Variants in ADGRD1 observed in about 807,000 individuals in gnomAD.
ADGRD1 encodes G-protein coupled receptor 133.
A neutral mutation model predicts 113.4 loss-of-function variants in ADGRD1; 77 were observed. The observed-to-expected ratio is 0.68, with a 90% CI of 0.57 to 0.82. The LOEUF is 0.82. ADGRD1 is among the 40% of genes least tolerant of loss of function. ADGRD1 has a pLI of 0.00. For synonymous variants in ADGRD1, 474 were observed against 475.0 expected (o/e 1.00, Z 0.03); for missense variants, 1,036 against 1,139.1 (o/e 0.91, Z 1.30).
rs763473611 is a variant in ADGRD1 at position 130,992,226 on chromosome 12, A to G, written c.811-11A>G. On this transcript the variant is annotated splice_polypyrimidine_tract_variant and intron_variant, in intron 7 of 24. Transcript: ENST00000261654. Reference sequence around the variant, plus strand: ...TTCTTAGTAGAAACTCATGTTGCCAATTTCTTTCAGATGCCCACAGATGCC... The same window carrying G: ...TTCTTAGTAGAAACTCATGTTGCCAGTTTCTTTCAGATGCCCACAGATGCC... The G allele has an allele frequency of 6.2e-6, 10 of 1,604,490 alleles. No individual in the cohort carries two copies. Among genetic ancestry groups the G allele is most frequent in the African/African-American group, 4.0e-5 (3 of 74,352 alleles).
chr12:131,131,470 C>T (rs937356208), intron 20 of ADGRD1, among the ~76,000 whole-genome samples: 6 of 152,322 alleles, frequency 3.9e-5, no homozygotes, highest in African/African-American at 7.2e-5. Flanking sequence ...CCCTCATGCC[C>T]GGATGTGTTC....
chr12:130,956,023 G>A (rs575690814), intron 2 of ADGRD1, among the ~76,000 whole-genome samples: 6 of 152,168 alleles, frequency 3.9e-5, no homozygotes, highest in African/African-American at 7.2e-5. Context: ...TCCTGACCTC[G>A]GGTGATCCAA....
chr12:131,023,677 C>G (rs140274214), intron 13 of ADGRD1: 1 of 152,190 alleles, frequency 6.6e-6, no homozygotes, highest in Non-Finnish European at 1.5e-5. Context: ...ACTGAACCAT[C>G]GCCGGCTTAT....
chr12:130,996,497 C>T (rs1875384927), intron 8 of ADGRD1, among the ~76,000 whole-genome samples: 2 of 119,056 alleles, frequency 1.7e-5, no homozygotes, highest in Non-Finnish European at 3.7e-5. Context: ...AGGCGCCCCT[C>T]ACCTCCTGGA....
At chr12:131,095,544 G>T (rs1053527286) in intron 15 of ADGRD1, among the ~76,000 whole-genome samples, 1 of 152,202 alleles carries the variant, frequency 6.6e-6, no homozygotes, top group Non-Finnish European at 1.5e-5. Context: ...CAGAATTGGG[G>T]TCTTACTCTG....
chr12:131,138,702 C>T (rs7978844), intron 24 of ADGRD1, among the ~76,000 whole-genome samples: 51,764 of 152,016 alleles, frequency 0.34, 9,176 homozygotes, highest in Middle Eastern at 0.49. Context: ...GCACTCCGCC[C>T]CCGCCCGCAG....
chr12:130,965,242 C>A lies in ADGRD1; in HGVS notation c.104-1221C>A, dbSNP rs529185684. On this transcript the variant is annotated intron_variant, in intron 2 of 24. Coordinates refer to ENST00000261654, the MANE Select transcript of ADGRD1 (RefSeq NM_198827.5). This position sits in a 1 kb window ranked among gnomAD's most constrained non-coding sequence, Gnocchi z 4.8. ...CATTTGTATATTAAATTTGTACAAG[C>A]CTCCTTGCTAAATTCTTTTGTTGTT... Among the ~76,000 whole-genome samples the A allele has an allele frequency of 6.6e-6, 1 of 152,198 alleles. No homozygotes were observed. The highest frequency in any genetic ancestry group is 2.1e-4 in the South Asian group (1 of 4,818).
intron 12 of ADGRD1, among the ~76,000 whole-genome samples, chr12:131,006,953 G>A (rs915648779): frequency 6.6e-6 from 1 of 152,214 alleles, no homozygotes; most frequent in Non-Finnish European, 1.5e-5. Flanking sequence ...GTTATTTGGG[G>A]AGATCTTTCC....
At chr12:131,007,507 C>T (rs1231394413) in intron 12 of ADGRD1, among the ~76,000 whole-genome samples, 1 of 152,240 alleles carries the variant, frequency 6.6e-6, no homozygotes, top group Non-Finnish European at 1.5e-5. Flanking sequence ...AGATGGAAGA[C>T]AGTCTGTCTC....
At chr12:131,034,346 T>A (rs1881150389) in intron 13 of ADGRD1, among the ~76,000 whole-genome samples, 1 of 152,226 alleles carries the variant, frequency 6.6e-6, no homozygotes, top group African/African-American at 2.4e-5. Context: ...CCCGCATGGT[T>A]GACACCTTCC....
chr12:131,101,497 C>T (rs1950086863), intron 15 of ADGRD1, among the ~76,000 whole-genome samples: 1 of 144,710 alleles, frequency 6.9e-6, no homozygotes, highest in African/African-American at 2.6e-5. Context: ...AAGTGATTCT[C>T]CTGCCTCAGC....
chr12:130,997,419 C>T (rs1214463417), intron 8 of ADGRD1, among the ~76,000 whole-genome samples: 275 of 128,902 alleles, frequency 2.1e-3, no homozygotes, highest in African/African-American at 2.8e-3. Context: ...GGGCGGCTGC[C>T]GGGCGGAGGG....
chr12:131,107,610 C>T (rs186301985), intron 17 of ADGRD1, among the ~76,000 whole-genome samples: 2 of 152,348 alleles, frequency 1.3e-5, no homozygotes, highest in East Asian at 1.9e-4. Context: ...ACAGGGTAAA[C>T]CTTTGTGCCC....
chr12:131,010,726 C>T (rs12322474), intron 12 of ADGRD1, among the ~76,000 whole-genome samples: 3 of 152,160 alleles, frequency 2.0e-5, no homozygotes, highest in South Asian at 2.1e-4. Context: ...TGAAGGAAGG[C>T]GGATTTGCAA....
At chr12:131,002,068 A>G (rs1388485344) in intron 9 of ADGRD1, among the ~76,000 whole-genome samples, 2 of 152,246 alleles carry the variant, frequency 1.3e-5, no homozygotes, top group African/African-American at 4.8e-5. Flanking sequence ...ATTCCTTTTT[A>G]AAAGGTTTGA....
intron 11 of ADGRD1, among the ~76,000 whole-genome samples, chr12:131,005,102 G>A (rs773765012): frequency 1.3e-5 from 2 of 152,220 alleles, no homozygotes; most frequent in African/African-American, 4.8e-5. Flanking sequence ...GCAGTGGGGA[G>A]CCTGTCTCTG....
chr12:131,038,056 C>T lies in ADGRD1; in HGVS notation c.1473+23716C>T, dbSNP rs201208275. On this transcript the variant is annotated intron_variant, in intron 13 of 24. Coordinates refer to ENST00000261654, the MANE Select transcript of ADGRD1 (RefSeq NM_198827.5). ...CTACACCAGGCCTCACTCACTGCACCGGGTCTCACTCACTACACCAGTTCT... is the reference window on the plus strand; with the variant it reads ...CTACACCAGGCCTCACTCACTGCACTGGGTCTCACTCACTACACCAGTTCT... 2.3e-4 allele frequency among the ~76,000 whole-genome samples: 35 copies of T among 151,706 alleles called. No individual in the cohort carries two copies. The East Asian group carries it at 3.7e-3, about 16-fold the overall frequency.
At chr12:131,119,291 G>T (rs1220870818) in intron 19 of ADGRD1, among the ~76,000 whole-genome samples, 13 of 152,210 alleles carry the variant, frequency 8.5e-5, no homozygotes, top group Non-Finnish European at 1.5e-5. Context: ...TTCCACGTTG[G>T]TGCAGGTTCC....
intron 13 of ADGRD1, among the ~76,000 whole-genome samples, chr12:131,062,313 A>G (rs1884396224): frequency 6.6e-6 from 1 of 152,114 alleles, no homozygotes; most frequent in African/African-American, 2.4e-5. Flanking sequence ...TTGTTTGACC[A>G]TTTGCCCACT....
Sources: gnomAD v4.1 joint callset for allele counts (sites outside exome capture counted in the v4.1 genomes callset) on GRCh38, gnomAD v4.1.1 for gene constraint, Gnocchi (gnomAD v3.1) non-coding constraint, MANE v1.5 for transcripts, NCBI Gene and HGNC (gene_info 2026-07-23, HGNC 2026-07-21) for gene names.